Variants in TRIM9 observed in about 807,000 individuals in gnomAD.
TRIM9 encodes the protein tripartite motif containing 9.
In TRIM9, 26 loss-of-function variants were observed where a neutral mutation model predicts 78.3. The ratio of observed to expected loss-of-function variants is 0.33; its 90% confidence interval spans 0.24 to 0.46. The LOEUF (loss-of-function observed/expected upper bound fraction) is 0.46, where lower values mean the gene tolerates loss of function less well. TRIM9 is among the 20% of genes least tolerant of loss of function. TRIM9 has a pLI of 1.00. For synonymous variants in TRIM9, 398 were observed against 416.5 expected (o/e 0.96, Z 0.54); for missense variants, 787 against 1,036.4 (o/e 0.76, Z 3.30).
intron 5 of TRIM9, among the ~76,000 whole-genome samples, chr14:51,001,562 T>G (rs1856745814): frequency 6.6e-6 from 1 of 152,218 alleles, no homozygotes; most frequent in Non-Finnish European, 1.5e-5. Context: ...AAACTTATTC[T>G]GAGATTGAAA....
intron 1 of TRIM9, among the ~76,000 whole-genome samples, chr14:51,038,307 T>A (rs912023557): frequency 1.9e-4 from 29 of 152,304 alleles, no homozygotes; most frequent in African/African-American, 6.7e-4. Flanking sequence ...AACTCAGCCC[T>A]GTTTGTTGGA....
intron 1 of TRIM9, among the ~76,000 whole-genome samples, chr14:51,047,154 T>G (rs2060011621): frequency 6.6e-6 from 1 of 152,184 alleles, no homozygotes; most frequent in African/African-American, 2.4e-5. Flanking sequence ...ATGAAGGTCC[T>G]ATGTGGCTTT....
intron 6 of TRIM9, among the ~76,000 whole-genome samples, chr14:51,000,141 A>C (rs1363005113): frequency 6.6e-6 from 1 of 152,226 alleles, no homozygotes; most frequent in African/African-American, 2.4e-5. Context: ...ATTAAGAGGA[A>C]TGCCAATCAA....
At chr14:51,069,313 G>C (rs1015873724) in intron 1 of TRIM9, among the ~76,000 whole-genome samples, 2 of 152,194 alleles carry the variant, frequency 1.3e-5, no homozygotes, top group Non-Finnish European at 2.9e-5. Context: ...TTCTCATCTG[G>C]AGGTGATTTT....
At chr14:51,006,776 G>C (rs910287003) in intron 5 of TRIM9, among the ~76,000 whole-genome samples, 4 of 152,116 alleles carry the variant, frequency 2.6e-5, no homozygotes, top group African/African-American at 7.2e-5. Context: ...GCTGGGAGAG[G>C]GTTCTGCGTT....
rs138465909 is a variant in TRIM9 at position 50,981,868 on chromosome 14, G to A, written c.2094C>T (p.Asp698=). The A allele has an allele frequency of 6.1e-5, 98 of 1,614,086 alleles. No homozygotes were observed. The highest frequency in any genetic ancestry group is 7.5e-5 in the Non-Finnish European group (88 of 1,180,056). Residue 698 remains aspartate, a synonymous_variant, in exon 11 of 13, where the codon GAC becomes GAT. Transcript: ENST00000684578. ...VMKDVMLGKD[D]KAWAMYVDNN... is the part of the protein sequence containing the mutation. ...TGTCCACATACATTGCCCAAGCTTTGTCGTCTTTTCCTAACATCACATCCT... is the reference window on the plus strand; with the variant it reads ...TGTCCACATACATTGCCCAAGCTTTATCGTCTTTTCCTAACATCACATCCT...
rs2054890207 is a variant in TRIM9 at position 51,000,835 on chromosome 14, A to C, written c.1312T>G (p.Ser438Ala). Residue 438 changes from serine (S) to alanine (A), a missense_variant, in exon 6 of 13, where the codon TCT becomes GCT. Ser to Ala is a moderately conservative substitution (Grantham distance 99, BLOSUM62 1). Coordinates refer to ENST00000684578, the MANE Select transcript of TRIM9 (RefSeq NM_001387360.1). ...AGGATAGGGGTTGCTGGGACTGGAG[A>C]GGAAGCTAAACAGAAATTAGTGTAA... ...QLDFVQVKAS[S>A]PVPATPILQL... 12 of 1,613,908 alleles carry C rather than the reference A, an allele frequency of 7.4e-6. No individual in the cohort carries two copies. The highest frequency in any genetic ancestry group is 1.0e-5 in the Non-Finnish European group (12 of 1,179,930).
intron 4 of TRIM9, among the ~76,000 whole-genome samples, chr14:51,009,876 C>A (rs977167176): frequency 3.3e-5 from 5 of 152,134 alleles, no homozygotes; most frequent in African/African-American, 9.7e-5. Flanking sequence ...CAGCTTACAC[C>A]ATAGCATCTC....
At chr14:51,027,974 A>C (rs779137913) in intron 1 of TRIM9, among the ~76,000 whole-genome samples, 9 of 152,208 alleles carry the variant, frequency 5.9e-5, no homozygotes, top group Non-Finnish European at 1.0e-4. Context: ...ACAGAAGTGA[A>C]GCTGCCTGGT....
In TRIM9 at chr14:51,069,283, G is replaced by A. The variant is rs114145147; in HGVS notation, c.822+24835C>T. On this transcript the variant is annotated intron_variant, in intron 1 of 12. Transcript: ENST00000684578. Reference sequence around the variant, plus strand: ...TAAGGTGCCCTTAAGTGGTTCATCTGTGTTAATCTAGACCACTGGTTCTCA... The same window carrying A: ...TAAGGTGCCCTTAAGTGGTTCATCTATGTTAATCTAGACCACTGGTTCTCA... Among the ~76,000 whole-genome samples the A allele has an allele frequency of 5.6e-3, 850 of 152,278 alleles. 15 individuals carry two copies. Among genetic ancestry groups the A allele is most frequent in the African/African-American group, 0.02 (814 of 41,558 alleles).
At chr14:51,006,272 T>C (rs8010552) in intron 5 of TRIM9, among the ~76,000 whole-genome samples, 8,023 of 152,248 alleles carry the variant, frequency 0.053, 405 homozygotes, top group African/African-American at 0.13. Flanking sequence ...TTAATACCAC[T>C]CCAAATGCTA....
At chr14:50,991,246 C>T (rs936640801) in intron 7 of TRIM9, among the ~76,000 whole-genome samples, 1 of 152,128 alleles carries the variant, frequency 6.6e-6, no homozygotes, top group Non-Finnish European at 1.5e-5. Flanking sequence ...GTATCAGTTG[C>T]AAAGCACACT....
rs1050111400 is a variant in TRIM9 at position 50,985,307 on chromosome 14, T to C, written c.1792+649A>G. ...GTCATTAGGCATTAGGAGTTAAGGG[T>C]TTCTAATTCGGCTAGCAGTGATCCC... On this transcript the variant is annotated intron_variant, in intron 8 of 12. Coordinates refer to ENST00000684578, the MANE Select transcript of TRIM9 (RefSeq NM_001387360.1). 2.0e-5 allele frequency among the ~76,000 whole-genome samples: 3 copies of C among 152,036 alleles called. No homozygotes were observed. In the East Asian group the frequency reaches 5.8e-4, roughly 29 times the overall value.
chr14:51,051,642 T>C (rs999766403), intron 1 of TRIM9, among the ~76,000 whole-genome samples: 3 of 152,086 alleles, frequency 2.0e-5, no homozygotes, highest in African/African-American at 4.8e-5. Flanking sequence ...CTGAGATTGA[T>C]AGTGAGCTAT....
At chr14:51,088,833 T>C (rs559017492) in intron 1 of TRIM9, 1 of 152,244 alleles carries the variant, frequency 6.6e-6, no homozygotes, top group Admixed American at 6.5e-5. Flanking sequence ...GGCATCAGAA[T>C]GCAGCCTTCT....
intron 5 of TRIM9, among the ~76,000 whole-genome samples, chr14:51,005,286 C>T (rs111711699): frequency 1.3e-5 from 2 of 152,276 alleles, no homozygotes; most frequent in African/African-American, 4.8e-5. Flanking sequence ...TTGGTGCATA[C>T]TCAGGGCTCT....
At chr14:51,090,885 G>C (rs568809214) in intron 1 of TRIM9, 6 of 152,254 alleles carry the variant, frequency 3.9e-5, no homozygotes, top group Admixed American at 2.0e-4. Flanking sequence ...GCATAATCCA[G>C]TGCACCCAGC....
chr14:51,003,765 T>C (rs916183257), intron 5 of TRIM9, among the ~76,000 whole-genome samples: 3 of 151,990 alleles, frequency 2.0e-5, no homozygotes, highest in Admixed American at 1.3e-4. Flanking sequence ...AAGAAAGAAC[T>C]AACCCAGAGA....
Position 51,013,080 on chromosome 14 carries a change from T to C in TRIM9, c.1042-2586A>G, listed in dbSNP as rs181254473. Reference sequence around the variant, plus strand: ...TGTTTCCTTTGCTTTTGGTGTCATATCTGAGAAATCATTGCCAATTCCAGT... The same window carrying C: ...TGTTTCCTTTGCTTTTGGTGTCATACCTGAGAAATCATTGCCAATTCCAGT... On this transcript the variant is annotated intron_variant, in intron 3 of 12. Coordinates refer to ENST00000684578, the MANE Select transcript of TRIM9 (RefSeq NM_001387360.1). Among the ~76,000 whole-genome samples, 71 of 152,354 alleles carry C rather than the reference T, an allele frequency of 4.7e-4. 2 individuals are homozygous for C. The East Asian group carries it at 0.01, about 22-fold the overall frequency.
Sources: allele counts gnomAD v4.1 joint callset (sites outside exome capture counted in the v4.1 genomes callset), GRCh38; gene constraint gnomAD v4.1.1; transcripts MANE v1.5; gene names NCBI Gene and HGNC (gene_info 2026-07-23, HGNC 2026-07-21).